The following PPP1R21 variants were observed in gnomAD, a reference collection of about 807,000 sequenced individuals.
PPP1R21 encodes the protein KLRAQ motif containing 1.
Under a neutral mutation model 112.8 loss-of-function variants are expected in PPP1R21, and 85 were observed. The ratio of observed to expected loss-of-function variants is 0.75; its 90% CI spans 0.63 to 0.90. The LOEUF (loss-of-function observed/expected upper bound fraction) is 0.90, where lower values mean the gene tolerates loss of function less well. Ranked by LOEUF, PPP1R21 falls within the 40% of genes least tolerant of loss-of-function variation. PPP1R21 has a pLI of 0.00. For missense variants in PPP1R21, 1,199 were observed against 901.5 expected, an observed-to-expected ratio of 1.33 and a Z score of -4.23; for synonymous variants, 381 against 322.3, an observed-to-expected ratio of 1.18 and a Z score of -1.95.
chr2:48,514,781 C>T lies in PPP1R21; in HGVS notation c.*37C>T. On this transcript the variant is annotated 3_prime_UTR_variant, in exon 22 of 22. Transcript: ENST00000294952. Reference sequence around the variant, plus strand: ...CTGGTTGGCGACTGTTCTTTCCAGACCTGCTCCTGCTGCACAGAGCCGCAG... The same window carrying T: ...CTGGTTGGCGACTGTTCTTTCCAGATCTGCTCCTGCTGCACAGAGCCGCAG... The T allele has an allele frequency of 1.2e-6, 2 of 1,610,774 alleles. No individual in the cohort carries two copies. The highest frequency in any genetic ancestry group is 1.3e-5 in the African/African-American group (1 of 74,950).
Position 48,446,878 on chromosome 2 carries a change from G to C in PPP1R21, c.58-4130G>C, listed in dbSNP as rs563611834. ...CAATTCTCCTGCCTCAGCCTCCTGA[G>C]TAGCTGGGATTACATGCGCCTGCCA... On this transcript the variant is annotated intron_variant, in intron 1 of 21. Transcript: ENST00000294952. Among the ~76,000 whole-genome samples, 50 of 152,250 alleles carry C rather than the reference G, an allele frequency of 3.3e-4. 1 individual carries two copies. The highest frequency in any genetic ancestry group is 1.2e-3 in the African/African-American group (50 of 41,548).
At chr2:48,512,624 C>A (rs1043786171) in intron 21 of PPP1R21, among the ~76,000 whole-genome samples, 1 of 152,192 alleles carries the variant, frequency 6.6e-6, no homozygotes, top group African/African-American at 2.4e-5. Context: ...CATGTTAATG[C>A]ATTGGAATCT....
chr2:48,491,233 C>G, intron 15 of PPP1R21, 63 bp downstream of exon 15: 1 of 1,542,706 alleles, frequency 6.5e-7, no homozygotes, highest in Non-Finnish European at 8.8e-7. Flanking sequence ...TAGAGAATGG[C>G]AAGAGTTTTT....
At chr2:48,462,812 C>G (rs1324976244) in intron 7 of PPP1R21, among the ~76,000 whole-genome samples, 1 of 151,838 alleles carries the variant, frequency 6.6e-6, no homozygotes, top group East Asian at 1.9e-4. Flanking sequence ...TGTAGATTAC[C>G]TAGGAGTGGG....
intron 1 of PPP1R21, 103 bp downstream of exon 1, chr2:48,441,113 G>T (rs1667007413): frequency 1.3e-6 from 1 of 792,730 alleles, no homozygotes; most frequent in Non-Finnish European, 2.2e-6. Flanking sequence ...AGGGGCACGC[G>T]AGCGCGCCCC....
At chr2:48,473,978 G>T (rs957912192) in intron 11 of PPP1R21, among the ~76,000 whole-genome samples, 3 of 152,116 alleles carry the variant, frequency 2.0e-5, no homozygotes, top group African/African-American at 7.2e-5. Flanking sequence ...AGATTCTCTT[G>T]CTGGTGTCAG....
Position 48,454,611 on chromosome 2 carries a change from A to G in PPP1R21, c.143A>G (p.Lys48Arg), listed in dbSNP as rs370563532. 8.2e-5 allele frequency: 132 copies of G among 1,614,040 alleles called. No homozygotes were observed. Among genetic ancestry groups the G allele is most frequent in the Non-Finnish European group, 1.1e-4 (125 of 1,179,984 alleles). Reference protein sequence around the residue: ...SAALKEQLKMKDQSLRKLQQE... With the variant: ...SAALKEQLKMRDQSLRKLQQE... ...TTGATATAGGAGCAACTGAAAATGAAGGATCAGTCATTGAGAAAACTACAA... is the reference window on the plus strand; with the variant it reads ...TTGATATAGGAGCAACTGAAAATGAGGGATCAGTCATTGAGAAAACTACAA... The change falls in exon 3 of 22, where the codon AAG becomes AGG. Residue 48 changes from lysine (K) to arginine (R), a missense_variant. Coordinates refer to ENST00000294952, the MANE Select transcript of PPP1R21 (RefSeq NM_001135629.3).
At chr2:48,470,155 T>A (rs55769417) in intron 9 of PPP1R21, among the ~76,000 whole-genome samples, 5,611 of 152,288 alleles carry the variant, frequency 0.037, 275 homozygotes, top group Admixed American at 0.14. Context: ...CCTATAGGAT[T>A]TTTTTCTGAA....
chr2:48,495,446 C>G (rs548938067), intron 15 of PPP1R21, among the ~76,000 whole-genome samples: 1 of 152,298 alleles, frequency 6.6e-6, no homozygotes, highest in East Asian at 1.9e-4. Flanking sequence ...TTGTGATCCG[C>G]TCGCCTCGAC....
intron 13 of PPP1R21, among the ~76,000 whole-genome samples, chr2:48,484,374 T>A (rs1212904506): frequency 2.6e-5 from 4 of 152,196 alleles, no homozygotes; most frequent in Non-Finnish European, 5.9e-5. Context: ...GGTCTGAAGT[T>A]GGTAGACTCG....
At chr2:48,514,590 A>G (rs769350910) in intron 21 of PPP1R21, 125 bp from the exon 22 acceptor site, 12 of 726,614 alleles carry the variant, frequency 1.7e-5, no homozygotes, top group Non-Finnish European at 2.7e-5. Context: ...GTTATCAGCT[A>G]TTCTCCTTTT....
At chr2:48,495,630 G>C (rs1669801333) in intron 15 of PPP1R21, 49 bp from the exon 16 acceptor site, 3 of 968,032 alleles carry the variant, frequency 3.1e-6, no homozygotes, top group Non-Finnish European at 3.4e-6. Flanking sequence ...ATGCAGGGGA[G>C]GGGTGATACA....
chr2:48,490,374 T>C (rs1401232074), intron 14 of PPP1R21, among the ~76,000 whole-genome samples: 1 of 152,204 alleles, frequency 6.6e-6, no homozygotes, highest in African/African-American at 2.4e-5. Context: ...AAAGTACTTG[T>C]TGAGATACAA....
chr2:48,502,462 C>G, intron 17 of PPP1R21, among the ~76,000 whole-genome samples: 1 of 151,048 alleles, frequency 6.6e-6, no homozygotes, highest in Non-Finnish European at 1.5e-5. Context: ...CTTTTTACCC[C>G]CATGCCCTTT....
chr2:48,493,008 T>TA (rs1669639447), intron 15 of PPP1R21, among the ~76,000 whole-genome samples: 2 of 148,632 alleles, frequency 1.3e-5, no homozygotes, highest in Non-Finnish European at 3.0e-5. Context: ...TTAGGTCATT[T>TA]ACCTTTTTTT....
At chr2:48,509,168 A>T (rs1434487499) in intron 19 of PPP1R21, among the ~76,000 whole-genome samples, 1 of 152,182 alleles carries the variant, frequency 6.6e-6, no homozygotes, top group Non-Finnish European at 1.5e-5. Context: ...CCCTAAAGAA[A>T]GCAGCCTGGA....
At chr2:48,476,909 G>C (rs1374409534) in intron 12 of PPP1R21, among the ~76,000 whole-genome samples, 1 of 151,924 alleles carries the variant, frequency 6.6e-6, no homozygotes, top group Non-Finnish European at 1.5e-5. Context: ...TAACTTTCTT[G>C]ATAGTGTCCT....
intron 16 of PPP1R21, among the ~76,000 whole-genome samples, chr2:48,498,157 T>A (rs898736964): frequency 6.6e-6 from 1 of 152,144 alleles, no homozygotes; most frequent in Non-Finnish European, 1.5e-5. Context: ...GTCTATCTTA[T>A]TGGTTTGCAA....
intron 11 of PPP1R21, among the ~76,000 whole-genome samples, chr2:48,472,239 CAAAAAAAAAAAAAAAAA>C (rs57711610): frequency 2.3e-5 from 1 of 43,014 alleles, no homozygotes; most frequent in African/African-American, 9.7e-5. Context: ...GACTCCATCT[CAAAAAAAAAAAAAAAAA>C]AAAAAAAAAA....
Sources: gnomAD v4.1 joint callset for allele counts (sites outside exome capture counted in the v4.1 genomes callset) on GRCh38, gnomAD v4.1.1 for gene constraint, MANE v1.5 for transcripts, NCBI Gene and HGNC (gene_info 2026-07-23, HGNC 2026-07-21) for gene names.